Variants in BAZ2B observed in about 807,000 individuals in gnomAD.
The protein encoded by BAZ2B is bromodomain adjacent to zinc finger domain 2B, also known as bromodomain adjacent to zinc finger domain protein 2B.
BAZ2B carries 91 observed loss-of-function variants against 246.0 expected under a neutral mutation model. That is an observed-to-expected ratio of 0.37 (90% CI 0.31 to 0.44). The LOEUF (loss-of-function observed/expected upper bound fraction) is 0.44, where lower values mean the gene tolerates loss of function less well. Ranked by LOEUF, BAZ2B falls within the 20% of genes least tolerant of loss-of-function variation. The pLI is 1.00. For missense variants in BAZ2B, 2,332 were observed against 2,533.7 expected (o/e 0.92, Z 1.71); for synonymous variants, 855 against 860.0 (o/e 0.99, Z 0.10).
Position 159,510,233 on chromosome 2 carries a change from A to G in BAZ2B, c.-2-31512T>C, listed in dbSNP as rs1199777867. ...GGTCTCACTCTGTCACCCAGGCTGG[A>G]GTGCAGTGGTGCGATCACAGTTTAC... is the stretch of plus-strand genomic sequence containing the variant. On this transcript the variant is annotated intron_variant, in intron 2 of 36. Coordinates refer to ENST00000392783, the MANE Select transcript of BAZ2B (RefSeq NM_013450.4). Among the ~76,000 whole-genome samples the G allele has an allele frequency of 3.9e-5, 6 of 152,170 alleles. No individual in the cohort carries two copies. In the East Asian group the frequency reaches 9.7e-4, roughly 24 times the overall value.
At chr2:159,535,338 A>G (rs1037564758) in intron 2 of BAZ2B, among the ~76,000 whole-genome samples, 6 of 143,416 alleles carry the variant, frequency 4.2e-5, no homozygotes, top group African/African-American at 1.5e-4. Flanking sequence ...CCTGGTCAAT[A>G]TGGTGAAACC....
At chr2:159,661,380 T>C in the BAZ2B span, among the ~76,000 whole-genome samples, 1 of 152,194 alleles carries the variant, frequency 6.6e-6, no homozygotes, top group African/African-American at 2.4e-5. Context: ...TGGGGGCTAT[T>C]ACAAATAAAG....
At chr2:159,446,734 T>A (rs1352343466) in intron 6 of BAZ2B, 48 bp downstream of exon 6, 7 of 1,464,300 alleles carry the variant, frequency 4.8e-6, no homozygotes, top group Non-Finnish European at 6.4e-6. Flanking sequence ...AGAATGCTCA[T>A]CTTATATATA....
intron 9 of BAZ2B, 110 bp from the exon 10 acceptor site, chr2:159,431,266 A>C (rs968134504): frequency 3.4e-5 from 48 of 1,415,728 alleles, no homozygotes; most frequent in Non-Finnish European, 4.3e-5. Context: ...ATGAGAACTC[A>C]AATGAGCAAT....
At position 159,374,724 on chromosome 2, in the gene BAZ2B, T is replaced by C; in HGVS notation, c.4035A>G (p.Glu1345=). The part of the protein sequence containing the change: ...EDEGDQAASV[E]ELEKQIEKLS... ...GTTTTTCAATCTGTTTTTCCAGCTC[T>C]TCAACACTTGCTGCTTGGTCACCTT... Residue 1345 remains glutamate, a synonymous_variant, in exon 26 of 37, where the codon GAA becomes GAG. Transcript: ENST00000392783. 1 of 1,613,242 alleles carries C rather than the reference T, an allele frequency of 6.2e-7. No homozygotes were observed. The highest frequency in any genetic ancestry group is 8.5e-7 in the Non-Finnish European group (1 of 1,179,542).
At chr2:159,655,932 T>A in the BAZ2B span, among the ~76,000 whole-genome samples, 1 of 152,172 alleles carries the variant, frequency 6.6e-6, no homozygotes, top group African/African-American at 2.4e-5. Context: ...TGTGTTGAGG[T>A]CCTTTGCAAA....
At chr2:159,556,872 A>G (rs7562042) in intron 1 of BAZ2B, among the ~76,000 whole-genome samples, 8,267 of 152,274 alleles carry the variant, frequency 0.054, 391 homozygotes, top group African/African-American at 0.12. Flanking sequence ...ACTTTCATGT[A>G]TTATTTTATC....
intron 1 of BAZ2B, among the ~76,000 whole-genome samples, chr2:159,601,906 T>C (rs189308202): frequency 6.6e-6 from 1 of 152,354 alleles, no homozygotes; most frequent in Admixed American, 6.5e-5. Flanking sequence ...TTTCATTCTT[T>C]ATACAATAAA....
At chr2:159,677,496 T>C in the BAZ2B span, among the ~76,000 whole-genome samples, 1 of 152,156 alleles carries the variant, frequency 6.6e-6, no homozygotes, top group African/African-American at 2.4e-5. Flanking sequence ...CACTATTTTT[T>C]ATAGTATCAA....
the BAZ2B span, among the ~76,000 whole-genome samples, chr2:159,678,868 T>C: frequency 2.6e-4 from 39 of 152,320 alleles, no homozygotes; most frequent in East Asian, 4.4e-3. Flanking sequence ...TGATCTGTTT[T>C]CTAACAATAT....
chr2:159,355,689 C>T (rs1409134048), intron 27 of BAZ2B, among the ~76,000 whole-genome samples: 1 of 152,122 alleles, frequency 6.6e-6, no homozygotes, highest in African/African-American at 2.4e-5. Flanking sequence ...CAGTGAACTT[C>T]TTCCAGGCAA....
chr2:159,674,752 T>G, the BAZ2B span, among the ~76,000 whole-genome samples: 2 of 149,830 alleles, frequency 1.3e-5, no homozygotes, highest in African/African-American at 4.9e-5. Flanking sequence ...AAACCTAAAG[T>G]TGAATACCTG....
At position 159,483,452 on chromosome 2, in the gene BAZ2B, C is replaced by T. The variant is rs570317266; in HGVS notation, c.-2-4731G>A. Among the ~76,000 whole-genome samples, 7 of 152,232 alleles carry T rather than the reference C, an allele frequency of 4.6e-5. No homozygotes were observed. In the East Asian group the frequency reaches 5.8e-4, roughly 13 times the overall value. On this transcript the variant is annotated intron_variant, in intron 2 of 36. Transcript: ENST00000392783. ...TGAGTTCAAACTATCTGCCTGTCTT[C>T]GCCTCCCAAAGTGCTGGGATGCCTT... is the stretch of plus-strand genomic sequence containing the variant.
intron 14 of BAZ2B, among the ~76,000 whole-genome samples, chr2:159,406,921 A>AT (rs1327883293): frequency 8.6e-5 from 13 of 151,590 alleles, no homozygotes; most frequent in Non-Finnish European, 1.5e-4. Context: ...CGCCCAGCTA[A>AT]TTTTTTATAC....
At chr2:159,635,924 G>C in the BAZ2B span, among the ~76,000 whole-genome samples, 1 of 152,096 alleles carries the variant, frequency 6.6e-6, no homozygotes, top group Non-Finnish European at 1.5e-5. Flanking sequence ...AGGTGTGGTA[G>C]CACATGCCTG....
At chr2:159,606,952 C>G in intron 1 of BAZ2B, among the ~76,000 whole-genome samples, 1 of 137,776 alleles carries the variant, frequency 7.3e-6, no homozygotes. Flanking sequence ...CGGAGTCTCA[C>G]TCTGTCACCC....
In BAZ2B at chr2:159,412,375, A is replaced by G; in HGVS notation, c.2637T>C (p.Asp879=). 6.2e-7 allele frequency: 1 copy of G among 1,614,162 alleles called. No homozygotes were observed. Among genetic ancestry groups the G allele is most frequent in the Non-Finnish European group, 8.5e-7 (1 of 1,180,000 alleles). Residue 879 remains aspartate (D), a synonymous_variant, in exon 14 of 37, where the codon GAT becomes GAC. Transcript: ENST00000392783. The part of the protein sequence containing the change: ...PPNVGNAEFL[D]NADAKLLRKL... ...TTCTTAGCAACTTTGCATCTGCGTT[A>G]TCTAGGAATTCAGCATTGCCAACAT... is the stretch of plus-strand genomic sequence containing the variant.
intron 2 of BAZ2B, among the ~76,000 whole-genome samples, chr2:159,533,591 C>A (rs1344215457): frequency 6.6e-6 from 1 of 151,426 alleles, no homozygotes; most frequent in Non-Finnish European, 1.5e-5. Flanking sequence ...ACATTTTTTA[C>A]ACATATGAAA....
At chr2:159,411,782 A>G (rs2066878475) in intron 14 of BAZ2B, 1 of 225,656 alleles carries the variant, frequency 4.4e-6, no homozygotes, top group Non-Finnish European at 7.4e-6. Flanking sequence ...TGAGCTTGAT[A>G]AATGATAATT....
Sources: allele counts gnomAD v4.1 joint callset (sites outside exome capture counted in the v4.1 genomes callset), GRCh38; gene constraint gnomAD v4.1.1; transcripts MANE v1.5; gene names NCBI Gene and HGNC (gene_info 2026-07-23, HGNC 2026-07-21).